SANBR: variants seen among roughly 807,000 people sequenced by gnomAD.
The protein encoded by SANBR is SANT and BTB domain regulator of CSR.
In SANBR, 77 loss-of-function variants were observed where a neutral mutation model predicts 101.8. The observed-to-expected ratio is 0.76, with a 90% CI of 0.63 to 0.91. The LOEUF (loss-of-function observed/expected upper bound fraction) is 0.91. Among genes scored for constraint, SANBR ranks in the 40% least tolerant of loss-of-function variants. The pLI, the probability that SANBR is intolerant of heterozygous loss-of-function variation, is 0.00. For synonymous variants in SANBR, 279 were observed against 274.7 expected, an observed-to-expected ratio of 1.02 and a Z score of -0.15; for missense variants, 875 against 853.0, an observed-to-expected ratio of 1.03 and a Z score of -0.32.
chr2:61,083,451 C>T, intron 8 of SANBR, 137 bp downstream of exon 8: 1 of 636,688 alleles, frequency 1.6e-6, no homozygotes, highest in Non-Finnish European at 2.6e-6. Context: ...GGCTGGAGTG[C>T]AGTGGTGCAA....
At chr2:61,137,942 T>C (rs1325921982) in exon 22 of SANBR, 2 of 152,268 alleles carry the variant, frequency 1.3e-5, no homozygotes, top group African/African-American at 2.4e-5. Flanking sequence ...TTGAGAATTA[T>C]ATATTTTGAT....
rs760123632 is a variant in SANBR at position 61,077,060 on chromosome 2, AC to A, written c.573del (p.Asp191GlufsTer14). On this transcript the variant is annotated frameshift_variant, in exon 6 of 22. Coordinates refer to ENST00000402291, the MANE Select transcript of SANBR (RefSeq NM_001129993.3). LOFTEE classifies it high-confidence loss of function. ...GATGCCCAGCGCTGGGAAGAGGTGG[AC>A]ATTTCAGTTCATTGCGACGTTCACA... ...SMDAQRWEEVDISVHCDVHIF... is the reference protein window; with the variant it reads ...SMDAQRWEEVXISVHCDVHIF... 1 of 1,614,064 alleles carries A rather than the reference AC, an allele frequency of 6.2e-7. No homozygotes were observed. The highest frequency in any genetic ancestry group is 1.1e-5 in the South Asian group (1 of 91,078).
chr2:61,072,187 C>T (rs960352941), intron 4 of SANBR, among the ~76,000 whole-genome samples: 2 of 152,170 alleles, frequency 1.3e-5, no homozygotes, highest in African/African-American at 4.8e-5. Flanking sequence ...CATCCGTCCG[C>T]CTCAGCTTCC....
At chr2:61,126,618 T>C (rs1394511337), downstream of SANBR, among the ~76,000 whole-genome samples, 1 of 151,966 alleles carries the variant, frequency 6.6e-6, no homozygotes, top group Admixed American at 6.6e-5. Context: ...CTGACCAACA[T>C]GGCAAAACCC....
At chr2:61,117,074 G>T in intron 17 of SANBR, 3 of 402,618 alleles carry the variant, frequency 7.5e-6, no homozygotes, top group Non-Finnish European at 1.4e-5. Context: ...AAAAAAAATT[G>T]CATAAGCTGG....
chr2:61,129,779 C>T (rs992471012), intron 20 of SANBR, among the ~76,000 whole-genome samples: 1 of 150,950 alleles, frequency 6.6e-6, no homozygotes, highest in Admixed American at 6.6e-5. Flanking sequence ...TAGGCTAATG[C>T]AATAAAAGCT....
rs1684073097 is a variant in SANBR, at chr2:61,116,213, T to G, written c.1836+143T>G. The G allele has an allele frequency of 1.0e-5, 6 of 576,512 alleles. No individual in the cohort carries two copies. The South Asian group carries it at 1.3e-4, about 13-fold the overall frequency. The allele number at this position is 576,512 out of a possible 1,614,324, so 35.7% of individuals were successfully genotyped here. A position where few individuals can be genotyped will look rare whatever the true frequency, so the allele number is the denominator to read the frequency against. ...GTTTTTTATAGACTGAGATTAAAGATCTCTAAGATATATTGACAAATGAGA... is the reference window on the plus strand; with the variant it reads ...GTTTTTTATAGACTGAGATTAAAGAGCTCTAAGATATATTGACAAATGAGA... On this transcript the variant is annotated intron_variant, in intron 17 of 21. Transcript: ENST00000402291.
At chr2:61,073,215 C>T (rs1424030502) in intron 4 of SANBR, among the ~76,000 whole-genome samples, 3 of 152,140 alleles carry the variant, frequency 2.0e-5, no homozygotes, top group African/African-American at 7.2e-5. Flanking sequence ...TGTTTGTACA[C>T]ACCACATTAG....
intron 2 of SANBR, 47 bp from the exon 3 acceptor site, chr2:61,070,294 AT>A (rs1681392453): frequency 1.4e-6 from 2 of 1,384,740 alleles, no homozygotes; most frequent in South Asian, 2.8e-5. Flanking sequence ...TTCTGAAAAC[AT>A]TTGGATTTCG....
chr2:61,121,463 T>C (rs776358200), intron 21 of SANBR, 187 bp downstream of exon 21: 4 of 452,604 alleles, frequency 8.8e-6, no homozygotes, highest in South Asian at 2.6e-5. Flanking sequence ...AATGAAAATA[T>C]AGCTTTGTGG....
At chr2:61,106,417 A>T in intron 13 of SANBR, 146 bp from the exon 14 acceptor site, 1 of 499,382 alleles carries the variant, frequency 2.0e-6, no homozygotes, top group Non-Finnish European at 3.5e-6. Context: ...AAAAAAAAGG[A>T]AATGTCATTG....
intron 17 of SANBR, among the ~76,000 whole-genome samples, chr2:61,116,307 T>G (rs1381639556): frequency 6.6e-6 from 1 of 152,152 alleles, no homozygotes; most frequent in Non-Finnish European, 1.5e-5. Flanking sequence ...GGGGGAAATA[T>G]ATAAATAACT....
chr2:61,099,182 C>G (rs1470632819), intron 12 of SANBR, among the ~76,000 whole-genome samples: 1 of 152,190 alleles, frequency 6.6e-6, no homozygotes, highest in East Asian at 1.9e-4. Flanking sequence ...TCAGTCCATG[C>G]AGGAGCAGGA....
At chr2:61,085,363 G>A (rs554653045) in intron 8 of SANBR, among the ~76,000 whole-genome samples, 90 of 152,008 alleles carry the variant, frequency 5.9e-4, no homozygotes, top group Admixed American at 1.4e-3. Context: ...TAGATATCTA[G>A]TTGACACAAT....
intron 16 of SANBR, 76 bp downstream of exon 16, chr2:61,109,372 TGG>T: frequency 1.3e-6 from 1 of 783,384 alleles, no homozygotes. Flanking sequence ...ATGCAAGGGA[TGG>T]GGAATTGGTT....
Position 61,071,716 on chromosome 2 carries a change from T to C in SANBR, c.261T>C (p.Tyr87=), listed in dbSNP as rs1313114606. ...GESPVETLAT[Y]IKSSLLDIHG... Reference sequence around the variant, plus strand: ...GTCCTGTTGAAACTTTAGCCACATATATCAAATCCTCACTTCTTGACATAC... The same window carrying C: ...GTCCTGTTGAAACTTTAGCCACATACATCAAATCCTCACTTCTTGACATAC... Residue 87 remains tyrosine (Y), a synonymous_variant, in exon 4 of 22, where the codon TAT becomes TAC. Transcript: ENST00000402291. 6.2e-6 allele frequency: 10 copies of C among 1,608,008 alleles called. No homozygotes were observed. The highest frequency in any genetic ancestry group is 7.6e-6 in the Non-Finnish European group (9 of 1,178,124).
At chr2:61,111,425 C>T (rs1406422895) in intron 16 of SANBR, among the ~76,000 whole-genome samples, 3 of 152,134 alleles carry the variant, frequency 2.0e-5, no homozygotes, top group African/African-American at 7.2e-5. Context: ...TGCTGCCTTC[C>T]CTTTATCTTC....
chr2:61,083,962 C>G (rs1682285569), intron 8 of SANBR, among the ~76,000 whole-genome samples: 1 of 151,564 alleles, frequency 6.6e-6, no homozygotes, highest in Non-Finnish European at 1.5e-5. Context: ...TTATAGTTAG[C>G]TTATTATTAT....
chr2:61,100,112 C>T (rs1559114914), intron 12 of SANBR, among the ~76,000 whole-genome samples: 1 of 151,900 alleles, frequency 6.6e-6, no homozygotes, highest in African/African-American at 2.4e-5. Context: ...GGGGGTTTTT[C>T]GTTTGTTTGT....
Sources: gnomAD v4.1 joint callset for allele counts (sites outside exome capture counted in the v4.1 genomes callset) on GRCh38, gnomAD v4.1.1 for gene constraint, MANE v1.5 for transcripts, NCBI Gene and HGNC (gene_info 2026-07-23, HGNC 2026-07-21) for gene names.